Variants in TMEM41B observed in about 807,000 individuals in gnomAD.
TMEM41B encodes the protein transmembrane protein 41B, also known as protein stasimon.
Under a neutral mutation model 31.9 loss-of-function variants are expected in TMEM41B, and 18 were observed. The observed-to-expected ratio is 0.56, with a 90% confidence interval of 0.39 to 0.84. The LOEUF is 0.84. Among genes scored for constraint, TMEM41B ranks in the 40% least tolerant of loss-of-function variants. The pLI is 0.00. For missense variants in TMEM41B, 322 were observed against 348.0 expected, an observed-to-expected ratio of 0.93 and a Z score of 0.59; for synonymous variants, 144 against 124.3, an observed-to-expected ratio of 1.16 and a Z score of -1.05.
chr11:9,288,594 G>T, intron 3 of TMEM41B, 59 bp from the exon 4 acceptor site: 1 of 1,243,038 alleles, frequency 8.0e-7, no homozygotes, highest in Non-Finnish European at 1.1e-6. Context: ...AAAGACAAAT[G>T]TAACATTTCA....
In TMEM41B at chr11:9,283,385, A is replaced by C. The variant is rs372712487; in HGVS notation, c.*39T>G. The C allele has an allele frequency of 9.9e-6, 15 of 1,512,652 alleles. No individual in the cohort carries two copies. The highest frequency in any genetic ancestry group is 2.8e-5 in the African/African-American group (2 of 71,538). 93.7% of individuals were successfully genotyped at this position (1,512,652 alleles called of 1,614,324 possible). A position where few individuals can be genotyped will look rare whatever the true frequency, so the allele number is the denominator to read the frequency against. On this transcript the variant is annotated 3_prime_UTR_variant, in exon 7 of 7. Transcript: ENST00000528080. ...AATGGATGCACCTGTTAATCCTGAG[A>C]TGGTGATGACAGCAAAACTAAAAAT...
rs1024349403 is a variant in TMEM41B at position 9,283,187 on chromosome 11, A to G, written c.*237T>C. ...AGCTACCCTTGGTATAATAATTTATAAGATGTCTAAGATGTCTACCTTAAC... is the reference window on the plus strand; with the variant it reads ...AGCTACCCTTGGTATAATAATTTATGAGATGTCTAAGATGTCTACCTTAAC... On this transcript the variant is annotated 3_prime_UTR_variant, in exon 7 of 7. Transcript: ENST00000528080. 6.1e-6 allele frequency: 2 copies of G among 325,940 alleles called. No homozygotes were observed. The highest frequency in any genetic ancestry group is 1.1e-5 in the Non-Finnish European group (2 of 182,278). The allele number at this position is 325,940 out of a possible 1,614,324, so 20.2% of individuals were successfully genotyped here.
chr11:9,307,315 G>A (rs1853421971), intron 1 of TMEM41B, among the ~76,000 whole-genome samples: 1 of 152,010 alleles, frequency 6.6e-6, no homozygotes, highest in African/African-American at 2.4e-5. Context: ...GTCTCTTAAG[G>A]TCACAAGAAT....
At position 9,314,423 on chromosome 11, in the gene TMEM41B, C is replaced by A. The variant is rs1293948568; in HGVS notation, c.19G>T (p.Ala7Ser). 5.1e-6 allele frequency: 8 copies of A among 1,560,656 alleles called. No homozygotes were observed. The highest frequency in any genetic ancestry group is 6.9e-6 in the Non-Finnish European group (8 of 1,152,088). MAKGRV[A>S]ERSQLGAHHT... is the part of the protein sequence containing the mutation. ...TGAGCGCCCAACTGCGATCGTTCGGCGACTCTGCCTTTCGCCATGGCTGCT... is the reference window on the plus strand; with the variant it reads ...TGAGCGCCCAACTGCGATCGTTCGGAGACTCTGCCTTTCGCCATGGCTGCT... Residue 7 changes from alanine to serine, a missense_variant, in exon 1 of 7, where the codon GCC (alanine) becomes TCC (serine). Ala to Ser is a moderately conservative substitution (Grantham distance 99). Around this residue, in one of 3 missense-constraint regions of TMEM41B, gnomAD observed 183 missense variants for 175.3 expected, o/e 1.04. Coordinates refer to ENST00000528080, the MANE Select transcript of TMEM41B (RefSeq NM_015012.4).
chr11:9,290,296 G>T (rs10840200), intron 3 of TMEM41B, among the ~76,000 whole-genome samples: 2 of 151,958 alleles, frequency 1.3e-5, no homozygotes, highest in Non-Finnish European at 2.9e-5. Flanking sequence ...GGAATCGCTT[G>T]AACCCAGGAA....
At chr11:9,299,549 C>T (rs781518376) in intron 2 of TMEM41B, 35 bp downstream of exon 2, 7 of 1,350,770 alleles carry the variant, frequency 5.2e-6, no homozygotes, top group South Asian at 1.2e-5. Flanking sequence ...TTATAAATAT[C>T]TATACATTTT....
intron 6 of TMEM41B, among the ~76,000 whole-genome samples, chr11:9,286,212 A>G (rs188954569): frequency 7.5e-5 from 11 of 147,294 alleles, no homozygotes; most frequent in East Asian, 6.0e-4. Context: ...GCTTAACCCT[A>G]TATCATTAAA....
In TMEM41B at chr11:9,295,349, T is replaced by C. The variant is rs773923423; in HGVS notation, c.278A>G (p.Asp93Gly). 1.3e-6 allele frequency: 2 copies of C among 1,597,352 alleles called. No homozygotes were observed. Among genetic ancestry groups the C allele is most frequent in the South Asian group, 2.3e-5 (2 of 88,378 alleles). The stretch of plus-strand genomic sequence containing the variant: ...AACTTTTCCTAGAGCCTTGGCATCA[T>C]CCATATCTCTGGGAACCTTCATATT... ...RVNMKVPRDMDDAKALGKVLS... is the reference protein window; with the variant it reads ...RVNMKVPRDMGDAKALGKVLS... Residue 93 changes from aspartate (D) to glycine (G), a missense_variant, in exon 3 of 7, where the codon GAT becomes GGT. Transcript: ENST00000528080.
intron 3 of TMEM41B, among the ~76,000 whole-genome samples, chr11:9,291,629 C>A (rs1031803767): frequency 1.3e-5 from 2 of 151,762 alleles, no homozygotes; most frequent in African/African-American, 4.8e-5. Flanking sequence ...CTCCATCTCC[C>A]GATCTCGTGA....
intron 1 of TMEM41B, among the ~76,000 whole-genome samples, chr11:9,305,979 CTT>C (rs746744551): frequency 4.2e-5 from 5 of 117,988 alleles, no homozygotes; most frequent in Non-Finnish European, 6.8e-5. Context: ...CAGCACTTTT[CTT>C]TTTTTTTTTT....
Position 9,281,692 on chromosome 11 carries a change from A to T in TMEM41B, c.*1732T>A, listed in dbSNP as rs1454394338. The T allele has an allele frequency of 6.6e-6, 1 of 152,212 alleles. No homozygotes were observed. Among genetic ancestry groups the T allele is most frequent in the African/African-American group, 2.4e-5 (1 of 41,452 alleles). The allele number at this position is 152,212 out of a possible 1,614,324, so 9.4% of individuals were successfully genotyped here. On this transcript the variant is annotated 3_prime_UTR_variant, in exon 7 of 7. Transcript: ENST00000528080. Reference sequence around the variant, plus strand: ...GCAAAAAGCACTTTCATTTTTCCAGAACTATTTAAATACAGTAGTTGCCAT... The same window carrying T: ...GCAAAAAGCACTTTCATTTTTCCAGTACTATTTAAATACAGTAGTTGCCAT...
At chr11:9,304,954 C>T (rs1212477846) in intron 1 of TMEM41B, among the ~76,000 whole-genome samples, 2 of 151,988 alleles carry the variant, frequency 1.3e-5, no homozygotes, top group Non-Finnish European at 2.9e-5. Flanking sequence ...CCACGCCCAG[C>T]AATTTTTTGG....
intron 1 of TMEM41B, among the ~76,000 whole-genome samples, chr11:9,301,630 C>T (rs1853262492): frequency 6.6e-6 from 1 of 152,102 alleles, no homozygotes; most frequent in Admixed American, 6.6e-5. Context: ...CTCAGTAGCC[C>T]CTATTCTAAC....
At chr11:9,297,787 T>A (rs192467653) in intron 2 of TMEM41B, among the ~76,000 whole-genome samples, 14 of 152,008 alleles carry the variant, frequency 9.2e-5, no homozygotes, top group African/African-American at 3.4e-4. Flanking sequence ...CCTCCCAAAG[T>A]GCTAGGACTA....
intron 1 of TMEM41B, among the ~76,000 whole-genome samples, chr11:9,302,813 A>G (rs1412910528): frequency 1.0e-5 from 1 of 99,220 alleles, no homozygotes; most frequent in Non-Finnish European, 2.2e-5. Context: ...TTTTACAAGT[A>G]AGAGGCCCAA....
At chr11:9,306,923 T>C (rs948495099) in intron 1 of TMEM41B, among the ~76,000 whole-genome samples, 19 of 152,226 alleles carry the variant, frequency 1.2e-4, no homozygotes, top group African/African-American at 4.6e-4. Flanking sequence ...CACAAAATTA[T>C]CTTCCCTTGC....
rs1215195102 is a variant in TMEM41B at position 9,280,686 on chromosome 11, A to C, written c.*2738T>G. ...TTCTCCAATACAATTTATTATTATT[A>C]CATTTTAGCTTGCATTTACTAAGTG... On this transcript the variant is annotated 3_prime_UTR_variant, in exon 7 of 7. Coordinates refer to ENST00000528080, the MANE Select transcript of TMEM41B (RefSeq NM_015012.4). 1 of 152,236 alleles carries C rather than the reference A, an allele frequency of 6.6e-6. No individual in the cohort carries two copies. The highest frequency in any genetic ancestry group is 1.5e-5 in the Non-Finnish European group (1 of 68,048). 9.4% of individuals were successfully genotyped at this position (152,236 alleles called of 1,614,324 possible). A position where few individuals can be genotyped will look rare whatever the true frequency, so the allele number is the denominator to read the frequency against.
At chr11:9,285,064 TTTC>T (rs1307436485) in intron 6 of TMEM41B, among the ~76,000 whole-genome samples, 1 of 151,584 alleles carries the variant, frequency 6.6e-6, no homozygotes, top group African/African-American at 2.4e-5. Flanking sequence ...TTTTTTTTCT[TTTC>T]TTTTCATTCT....
Position 9,286,236 on chromosome 11 carries a change from G to A in TMEM41B, c.706+219C>T, listed in dbSNP as rs372247091. ...TATATCATTAAAACGATATACAGTA[G>A]AAAGTGTTCTTCTTTAAAGAGGCGA... On this transcript the variant is annotated intron_variant, in intron 6 of 6. Transcript: ENST00000528080. 2.2e-3 allele frequency among the ~76,000 whole-genome samples: 332 copies of A among 152,214 alleles called. 2 individuals carry two copies. The highest frequency in any genetic ancestry group is 7.7e-3 in the African/African-American group (318 of 41,536).
Sources: gnomAD v4.1 joint callset for allele counts (sites outside exome capture counted in the v4.1 genomes callset) on GRCh38, gnomAD v4.1.1 for gene constraint, gnomAD v4.1.1 regional missense constraint, MANE v1.5 for transcripts, NCBI Gene and HGNC (gene_info 2026-07-23, HGNC 2026-07-21) for gene names.